F13B: variants seen among roughly 807,000 people sequenced by gnomAD.
The protein encoded by F13B is TGase.
Under a neutral mutation model 79.8 loss-of-function variants are expected in F13B, and 58 were observed. The observed-to-expected ratio is 0.73, with a 90% confidence interval of 0.59 to 0.90. The LOEUF is 0.90. Among genes scored for constraint, F13B ranks in the 40% least tolerant of loss-of-function variants. F13B has a pLI of 0.00. For synonymous variants in F13B, 283 were observed against 260.3 expected (o/e 1.09, Z -0.84); for missense variants, 773 against 777.0 (o/e 0.99, Z 0.06).
chr1:197,057,210 C>T lies in F13B; in HGVS notation c.986-12G>A. 1.2e-6 allele frequency: 2 copies of T among 1,613,864 alleles called. No individual in the cohort carries two copies. The highest frequency in any genetic ancestry group is 1.7e-6 in the Non-Finnish European group (2 of 1,179,914). On this transcript the variant is annotated splice_polypyrimidine_tract_variant and intron_variant, in intron 6 of 11. Transcript: ENST00000367412. ...CTTCTCCTGTCCTTCTGAAAAGGTA[C>T]AGTTGAAAGAGAACTGACCATTTAG...
intron 10 of F13B, among the ~76,000 whole-genome samples, chr1:197,050,390 A>G (rs1655400389): frequency 6.6e-6 from 1 of 152,110 alleles, no homozygotes; most frequent in Non-Finnish European, 1.5e-5. Flanking sequence ...GTTTTCTATT[A>G]TAGTACCAAT....
chr1:197,043,054 G>A (rs1197351549), intron 10 of F13B, among the ~76,000 whole-genome samples: 3 of 151,938 alleles, frequency 2.0e-5, no homozygotes, highest in South Asian at 2.1e-4. Context: ...ATGAGTTTGA[G>A]GCTCTGCACT....
In F13B at chr1:197,062,747, T is replaced by A. The variant is rs955378733; in HGVS notation, c.265+110A>T. ...GAAAGACAGATTGCTAGTGATTTTG[T>A]TCTTATCTACTAAAAGGTTTAACCG... is the stretch of plus-strand genomic sequence containing the variant. On this transcript the variant is annotated intron_variant, in intron 2 of 11. Transcript: ENST00000367412. 4 of 967,212 alleles carry A rather than the reference T, an allele frequency of 4.1e-6. No individual in the cohort carries two copies. In the South Asian group the frequency reaches 5.4e-5, roughly 13 times the overall value. 59.9% of individuals were successfully genotyped at this position (967,212 alleles called of 1,614,324 possible). A position where few individuals can be genotyped will look rare whatever the true frequency, so the allele number is the denominator to read the frequency against.
intron 10 of F13B, among the ~76,000 whole-genome samples, chr1:197,049,397 G>T (rs888057266): frequency 6.6e-6 from 1 of 151,922 alleles, no homozygotes; most frequent in Non-Finnish European, 1.5e-5. Context: ...ATTAATAGAA[G>T]TAATAACAAA....
intron 11 of F13B, 28 bp from the exon 12 acceptor site, chr1:197,039,439 A>C: frequency 1.3e-6 from 2 of 1,588,594 alleles, no homozygotes; most frequent in African/African-American, 1.3e-5. Context: ...AGATTTTTGA[A>C]ATAAGCATCA....
In F13B at chr1:197,067,206, C is replaced by T; in HGVS notation, c.18G>A (p.Leu6=). Residue 6 remains leucine, a synonymous_variant, in exon 1 of 12, where the codon CTG becomes CTA. Transcript: ENST00000367412. ...AGATTATCAATATGATGATAAAAGT[C>T]AGGTTTTTCAACCTCATCTTCAGTG... MRLKN[L]TFIIILIISG... is the part of the protein sequence containing the mutation. 1 of 1,609,644 alleles carries T rather than the reference C, an allele frequency of 6.2e-7. No individual in the cohort carries two copies. Among genetic ancestry groups the T allele is most frequent in the Non-Finnish European group, 8.5e-7 (1 of 1,176,606 alleles).
At chr1:197,048,511 C>T (rs17549734) in intron 10 of F13B, among the ~76,000 whole-genome samples, 1 of 151,598 alleles carries the variant, frequency 6.6e-6, no homozygotes, top group African/African-American at 2.4e-5. Flanking sequence ...AAAAAAAAGG[C>T]AAAGCATTAC....
intron 11 of F13B, 110 bp from the exon 12 acceptor site, chr1:197,039,521 T>C (rs1250380357): frequency 1.2e-6 from 1 of 811,038 alleles, no homozygotes; most frequent in Non-Finnish European, 2.1e-6. Flanking sequence ...TTTTATTAAG[T>C]ACTAATAAGA....
intron 3 of F13B, 37 bp from the exon 4 acceptor site, chr1:197,061,112 T>G (rs781218695): frequency 9.8e-7 from 1 of 1,020,262 alleles, no homozygotes; most frequent in South Asian, 1.8e-5. Flanking sequence ...ATAAACTTTT[T>G]TAATAACCTA....
intron 11 of F13B, chr1:197,040,277 A>G (rs1254258755): frequency 6.5e-6 from 3 of 458,932 alleles, no homozygotes; most frequent in Non-Finnish European, 1.2e-5. Flanking sequence ...TTATTTTTCC[A>G]TTTGCCAAAG....
At position 197,060,380 on chromosome 1, in the gene F13B, G is replaced by A. The variant is rs1244575020; in HGVS notation, c.791C>T (p.Ser264Phe). 6.8e-6 allele frequency: 11 copies of A among 1,611,788 alleles called. No individual in the cohort carries two copies. Among genetic ancestry groups the A allele is most frequent in the Non-Finnish European group, 9.3e-6 (11 of 1,178,378 alleles). The change falls in exon 5 of 12, where the codon TCT becomes TTT. Residue 264 changes from serine (S) to phenylalanine (F), a missense_variant. By Grantham distance (155) the Ser-to-Phe change is radical. Transcript: ENST00000367412. ...TAAAAATTTACCTTCGCATACAGGA[G>A]ATTCTGGGTACCAACCAAAGTTATA... ...QCYNFGWYPESPVCEGRRNRC... is the reference protein window; with the variant it reads ...QCYNFGWYPEFPVCEGRRNRC...
chr1:197,041,152 T>A (rs538733239), intron 10 of F13B, among the ~76,000 whole-genome samples: 1 of 152,284 alleles, frequency 6.6e-6, no homozygotes, highest in African/African-American at 2.4e-5. Flanking sequence ...AGACAAATTA[T>A]TAATTGCTGT....
Position 197,040,747 on chromosome 1 carries a change from A to G in F13B, c.1739-12T>C, listed in dbSNP as rs769535126. The stretch of plus-strand genomic sequence containing the variant: ...TAATGTGCATGGCTCTGGGAACAAC[A>G]ATTTAAAAAAAAAGAAAGAAAAAGA... On this transcript the variant is annotated splice_polypyrimidine_tract_variant and intron_variant, in intron 10 of 11. Transcript: ENST00000367412. 15 of 1,581,126 alleles carry G rather than the reference A, an allele frequency of 9.5e-6. 1 individual carries two copies. The Admixed American group carries it at 2.6e-4, about 27-fold the overall frequency.
intron 10 of F13B, among the ~76,000 whole-genome samples, chr1:197,043,399 C>T (rs1051533362): frequency 6.6e-6 from 1 of 152,146 alleles, no homozygotes; most frequent in Non-Finnish European, 1.5e-5. Flanking sequence ...TCCAAACATC[C>T]TGAAATTTTC....
chr1:197,050,670 G>A, intron 10 of F13B, 27 bp downstream of exon 10: 1 of 1,600,728 alleles, frequency 6.2e-7, no homozygotes, highest in Non-Finnish European at 8.6e-7. Context: ...GTTTTACTTT[G>A]TTAGAGGCAT....
chr1:197,051,316 T>C (rs1655431184), intron 9 of F13B, among the ~76,000 whole-genome samples: 3 of 152,220 alleles, frequency 2.0e-5, no homozygotes, highest in Admixed American at 2.0e-4. Context: ...TCCCACGTTA[T>C]AGTGTTTACA....
intron 8 of F13B, among the ~76,000 whole-genome samples, chr1:197,053,476 T>A (rs527736574): frequency 5.0e-4 from 76 of 152,224 alleles, no homozygotes; most frequent in African/African-American, 1.7e-3. Context: ...CTCTCTTGCT[T>A]GCCACCTTGT....
intron 5 of F13B, among the ~76,000 whole-genome samples, chr1:197,059,075 G>C (rs1655750926): frequency 6.6e-6 from 1 of 152,026 alleles, no homozygotes; most frequent in Admixed American, 6.6e-5. Context: ...AATTAGCTGG[G>C]CATGGTGGCC....
At chr1:197,052,403 G>A (rs539587045) in intron 9 of F13B, among the ~76,000 whole-genome samples, 5 of 152,002 alleles carry the variant, frequency 3.3e-5, no homozygotes, top group East Asian at 1.9e-4. Context: ...GAAATTCGAC[G>A]CAGCAATTCC....
Sources: gnomAD v4.1 joint callset for allele counts (sites outside exome capture counted in the v4.1 genomes callset) on GRCh38, gnomAD v4.1.1 for gene constraint, MANE v1.5 for transcripts, NCBI Gene and HGNC (gene_info 2026-07-23, HGNC 2026-07-21) for gene names.